TXK: variants seen among roughly 807,000 people sequenced by gnomAD.
The protein encoded by TXK is TXK tyrosine kinase.
A neutral mutation model predicts 81.0 loss-of-function variants in TXK; 60 were observed. That is an observed-to-expected ratio of 0.74 (90% CI 0.60 to 0.92). TXK has a LOEUF of 0.92. Among genes scored for constraint, TXK ranks in the 40% least tolerant of loss-of-function variants. The pLI is 0.00. For missense variants in TXK, 581 were observed against 638.3 expected (o/e 0.91, Z 0.97); for synonymous variants, 203 against 210.7 (o/e 0.96, Z 0.32).
intron 10 of TXK, among the ~76,000 whole-genome samples, chr4:48,083,260 T>A (rs2109414260): frequency 6.6e-6 from 1 of 152,302 alleles, no homozygotes; most frequent in East Asian, 1.9e-4. Context: ...CTCCCCATCC[T>A]GTAAAAGGTC....
At chr4:48,106,916 AATG>A (rs1266261504) in intron 5 of TXK, among the ~76,000 whole-genome samples, 1 of 152,188 alleles carries the variant, frequency 6.6e-6, no homozygotes. Flanking sequence ...TTGTTTTTAA[AATG>A]ATATTTGTAC....
chr4:48,089,030 A>G (rs1717644956), intron 9 of TXK, among the ~76,000 whole-genome samples: 1 of 152,184 alleles, frequency 6.6e-6, no homozygotes, highest in South Asian at 2.1e-4. Context: ...AACTTTGTGC[A>G]TGTTCTATTA....
At chr4:48,090,215 T>C (rs542303147) in intron 8 of TXK, among the ~76,000 whole-genome samples, 172 of 152,362 alleles carry the variant, frequency 1.1e-3, no homozygotes, top group African/African-American at 3.8e-3. Context: ...AATTGATATA[T>C]GTCATTGACT....
intron 1 of TXK, among the ~76,000 whole-genome samples, chr4:48,131,315 A>G (rs1370882852): frequency 7.2e-6 from 1 of 138,714 alleles, no homozygotes; most frequent in East Asian, 2.6e-4. Context: ...CAAACATATA[A>G]ACTTTTTTTT....
intron 1 of TXK, among the ~76,000 whole-genome samples, chr4:48,120,941 T>C (rs1048441759): frequency 6.6e-6 from 1 of 152,132 alleles, no homozygotes; most frequent in African/African-American, 2.4e-5. Flanking sequence ...CGGTCAACTC[T>C]AAGTCCTCAT....
At chr4:48,088,312 C>A (rs978786511) in intron 9 of TXK, among the ~76,000 whole-genome samples, 2 of 152,182 alleles carry the variant, frequency 1.3e-5, no homozygotes, top group Admixed American at 1.3e-4. Context: ...CACTTAAGCA[C>A]ATATCCAACA....
intron 12 of TXK, 134 bp downstream of exon 12, chr4:48,076,268 T>C (rs546588524): frequency 2.7e-5 from 16 of 585,976 alleles, no homozygotes; most frequent in African/African-American, 3.9e-5. Context: ...CAGTAGGCCA[T>C]ACAACCAGGC....
chr4:48,110,970 T>C (rs1232669927), intron 4 of TXK, among the ~76,000 whole-genome samples: 2 of 152,214 alleles, frequency 1.3e-5, no homozygotes, highest in African/African-American at 4.8e-5. Flanking sequence ...TTCCATAGCA[T>C]AGGTATTCTA....
intron 1 of TXK, among the ~76,000 whole-genome samples, chr4:48,118,894 T>C (rs1718879778): frequency 1.3e-5 from 2 of 152,168 alleles, no homozygotes; most frequent in Non-Finnish European, 1.5e-5. Flanking sequence ...CATACTTAGA[T>C]TAACTTTGAA....
chr4:48,121,981 T>C (rs1465100021), intron 1 of TXK, among the ~76,000 whole-genome samples: 1 of 152,074 alleles, frequency 6.6e-6, no homozygotes, highest in Non-Finnish European at 1.5e-5. Flanking sequence ...CACACACACA[T>C]ACTTATTGCT....
chr4:48,089,867 T>C (rs1342889651), intron 8 of TXK, 43 bp from the exon 9 acceptor site: 2 of 1,396,438 alleles, frequency 1.4e-6, no homozygotes, highest in East Asian at 2.3e-5. Context: ...TAGTTGCTAA[T>C]ATAGAAGAAA....
At chr4:48,079,518 G>A (rs1322358836) in intron 11 of TXK, among the ~76,000 whole-genome samples, 1 of 152,040 alleles carries the variant, frequency 6.6e-6, no homozygotes, top group East Asian at 1.9e-4. Context: ...TAACCAATCA[G>A]CTCTCCTGGT....
intron 5 of TXK, among the ~76,000 whole-genome samples, chr4:48,106,869 T>G (rs1023101995): frequency 6.6e-6 from 1 of 152,208 alleles, no homozygotes; most frequent in Non-Finnish European, 1.5e-5. Flanking sequence ...GCATAATTAA[T>G]TTTAAACTTG....
intron 1 of TXK, among the ~76,000 whole-genome samples, chr4:48,121,758 G>A (rs1433843953): frequency 6.6e-6 from 1 of 151,896 alleles, no homozygotes; most frequent in Admixed American, 6.6e-5. Flanking sequence ...TTGTTCCACA[G>A]TTGGTTGAAC....
At chr4:48,097,422 C>CTTTTTTT (rs4031383) in intron 6 of TXK, among the ~76,000 whole-genome samples, 1 of 141,864 alleles carries the variant, frequency 7.0e-6, no homozygotes, top group South Asian at 2.2e-4. Flanking sequence ...AAAGCTACCA[C>CTTTTTTT]TTTTTTTTTT....
Position 48,112,391 on chromosome 4 carries a change from CAGGG to C in TXK, c.292_295del (p.Pro98ValfsTer3), listed in dbSNP as rs1182594994. ...TTCTGCTCTCCTTAAGGCTAAATTACAGGGTTCTCTGGGCAGAAAATCATAAAGT... is the reference window on the plus strand; with the variant it reads ...TTCTGCTCTCCTTAAGGCTAAATTACTTCTCTGGGCAGAAAATCATAAAGT... On this transcript the variant is annotated frameshift_variant, in exon 4 of 15. Coordinates refer to ENST00000264316, the MANE Select transcript of TXK (RefSeq NM_003328.3). LOFTEE classifies it high-confidence loss of function. The C allele has an allele frequency of 5.0e-6, 8 of 1,614,076 alleles. No individual in the cohort carries two copies. Among genetic ancestry groups the C allele is most frequent in the African/African-American group, 1.3e-5 (1 of 74,928 alleles).
intron 1 of TXK, among the ~76,000 whole-genome samples, chr4:48,131,680 C>T (rs10016563): frequency 0.35 from 53,724 of 152,098 alleles, 10,250 homozygotes; most frequent in Non-Finnish European, 0.43. Flanking sequence ...CAAAATATCC[C>T]GCCAATAGGT....
intron 5 of TXK, among the ~76,000 whole-genome samples, chr4:48,105,669 C>T (rs1718430493): frequency 1.3e-5 from 2 of 151,972 alleles, no homozygotes; most frequent in South Asian, 2.1e-4. Flanking sequence ...GCATGTGTAC[C>T]CTCTAGATCT....
At chr4:48,128,891 A>C (rs1719166547) in intron 1 of TXK, among the ~76,000 whole-genome samples, 1 of 151,758 alleles carries the variant, frequency 6.6e-6, no homozygotes, top group Non-Finnish European at 1.5e-5. Context: ...CCCATTTCTT[A>C]AGGGCCTTTT....
Sources: gnomAD v4.1 joint callset for allele counts (sites outside exome capture counted in the v4.1 genomes callset) on GRCh38, gnomAD v4.1.1 for gene constraint, MANE v1.5 for transcripts, NCBI Gene and HGNC (gene_info 2026-07-23, HGNC 2026-07-21) for gene names.